Variants in LZIC observed in about 807,000 individuals in gnomAD.
The protein encoded by LZIC is leucine zipper and CTNNBIP1 domain containing.
In LZIC, 28 loss-of-function variants were observed where a neutral mutation model predicts 25.4. The ratio of observed to expected loss-of-function variants is 1.10; its 90% CI spans 0.82 to 1.51. LZIC has a LOEUF of 1.51. LZIC is among the 40% of genes most tolerant of loss of function. The probability of loss-of-function intolerance (pLI) is 0.00; values close to 1 mark genes in which losing one functional copy is unlikely to be tolerated. For synonymous variants in LZIC, 65 were observed against 70.7 expected, an observed-to-expected ratio of 0.92 and a Z score of 0.40; for missense variants, 170 against 211.1, an observed-to-expected ratio of 0.81 and a Z score of 1.21.
intron 6 of LZIC, chr1:9,932,261 C>T: frequency 4.2e-6 from 1 of 240,302 alleles, no homozygotes. Flanking sequence ...AGTAGAATTG[C>T]TTGAACCTGG....
Position 9,935,493 on chromosome 1 carries a change from A to AGC in LZIC, c.234_235dup (p.Leu79ArgfsTer33). 1 of 1,599,586 alleles carries AGC rather than the reference A, an allele frequency of 6.3e-7. No homozygotes were observed. Among genetic ancestry groups the AGC allele is most frequent in the Non-Finnish European group, 8.5e-7 (1 of 1,176,376 alleles). ...CTGTCGCCTATATGTTATACTTACC[A>AGC]GCTGCATTCCACTTAGTTCATCTAC... On this transcript the variant is annotated frameshift_variant and splice_region_variant, in exon 4 of 8. Transcript: ENST00000377223. LOFTEE classifies it high-confidence loss of function.
Position 9,929,965 on chromosome 1 carries a change from T to C in LZIC, c.*434A>G, listed in dbSNP as rs1344211489. On this transcript the variant is annotated 3_prime_UTR_variant, in exon 8 of 8. Transcript: ENST00000377223. ...TGATTTCTAAGATCACTCAGAATTG[T>C]AAAATTCTATGAACACTTATGAAGT... The C allele has an allele frequency of 1.0e-6, 1 of 979,088 alleles. No individual in the cohort carries two copies. The highest frequency in any genetic ancestry group is 1.8e-5 in the African/African-American group (1 of 57,084). 60.7% of individuals were successfully genotyped at this position (979,088 alleles called of 1,614,324 possible).
At chr1:9,941,181 G>A (rs68058227) in intron 2 of LZIC, among the ~76,000 whole-genome samples, 1 of 30,126 alleles carries the variant, frequency 3.3e-5, no homozygotes, top group Non-Finnish European at 3.2e-4. Context: ...TCTTTCTTTC[G>A]TTCGTTCGTT....
In LZIC at chr1:9,926,526, G is replaced by A. The variant is rs1475119656; in HGVS notation, c.*3873C>T. On this transcript the variant is annotated 3_prime_UTR_variant, in exon 8 of 8. Transcript: ENST00000377223. ...CTTCCTGGGAACAATTCCTCATTCT[G>A]TTACTTGATTTCTTCCTTTACCACC... Among the ~76,000 whole-genome samples the A allele has an allele frequency of 6.6e-6, 1 of 152,100 alleles. No individual in the cohort carries two copies. Among genetic ancestry groups the A allele is most frequent in the Non-Finnish European group, 1.5e-5 (1 of 68,022 alleles).
intron 3 of LZIC, among the ~76,000 whole-genome samples, chr1:9,936,292 A>G (rs1557441604): frequency 6.6e-6 from 1 of 152,188 alleles, no homozygotes; most frequent in Non-Finnish European, 1.5e-5. Context: ...CAAGGAAGGT[A>G]AGTATTTTGC....
chr1:9,941,688 C>G (rs903502536), intron 2 of LZIC, among the ~76,000 whole-genome samples: 1 of 150,622 alleles, frequency 6.6e-6, no homozygotes, highest in Non-Finnish European at 1.5e-5. Flanking sequence ...TTAGGAGAGA[C>G]GGGTTTCACC....
downstream of LZIC, chr1:9,922,171 C>T (rs1639882625): frequency 9.1e-6 from 4 of 440,970 alleles, no homozygotes; most frequent in Non-Finnish European, 1.2e-5. Flanking sequence ...CTCTGCATTT[C>T]CCAAAAGCGC....
At chr1:9,936,024 G>A (rs1316659435) in intron 3 of LZIC, among the ~76,000 whole-genome samples, 1 of 151,964 alleles carries the variant, frequency 6.6e-6, no homozygotes, top group Non-Finnish European at 1.5e-5. Context: ...AGCTACTCGG[G>A]AGGCTGAGGC....
chr1:9,938,669 A>G (rs1375657389), intron 2 of LZIC, among the ~76,000 whole-genome samples: 3 of 152,136 alleles, frequency 2.0e-5, no homozygotes, highest in Non-Finnish European at 4.4e-5. Context: ...AAGCCTTTGT[A>G]ATTGCAAATA....
chr1:9,942,688 T>C lies in LZIC; in HGVS notation c.-73A>G. ...GTCTCAAATTGCACAAACCTCCAGT[T>C]CTTGACGTTCCGAGTGTCATAAACT... is the stretch of plus-strand genomic sequence containing the variant. On this transcript the variant is annotated 5_prime_UTR_variant, in exon 2 of 8. Coordinates refer to ENST00000377223, the MANE Select transcript of LZIC (RefSeq NM_032368.5). The C allele has an allele frequency of 7.8e-7, 1 of 1,289,342 alleles. No individual in the cohort carries two copies. Among genetic ancestry groups the C allele is most frequent in the South Asian group, 1.2e-5 (1 of 81,030 alleles). The allele number at this position is 1,289,342 out of a possible 1,614,324, so 79.9% of individuals were successfully genotyped here. A position where few individuals can be genotyped will look rare whatever the true frequency, so the allele number is the denominator to read the frequency against.
downstream of LZIC, among the ~76,000 whole-genome samples, chr1:9,924,819 G>C (rs1441035940): frequency 2.0e-5 from 3 of 152,106 alleles, no homozygotes; most frequent in African/African-American, 7.2e-5. Context: ...CGTGTAATAT[G>C]ACAATTTAGT....
At position 9,927,038 on chromosome 1, in the gene LZIC, C is replaced by T. The variant is rs1370624316; in HGVS notation, c.*3361G>A. Among the ~76,000 whole-genome samples, 1 of 152,094 alleles carries T rather than the reference C, an allele frequency of 6.6e-6. No homozygotes were observed. The highest frequency in any genetic ancestry group is 2.4e-5 in the African/African-American group (1 of 41,422). ...TTAACAGAGGGGAATGCATAATAAT[C>T]CTATGAGGTAGGCCCTATTATCCTC... On this transcript the variant is annotated 3_prime_UTR_variant, in exon 8 of 8. Coordinates refer to ENST00000377223, the MANE Select transcript of LZIC (RefSeq NM_032368.5).
chr1:9,933,283 A>AATATATAT (rs772364108), intron 5 of LZIC, among the ~76,000 whole-genome samples: 24 of 58,378 alleles, frequency 4.1e-4, no homozygotes, highest in South Asian at 3.2e-3. Flanking sequence ...AAAAAAAAAA[A>AATATATAT]ATATATATAT....
At chr1:9,940,927 A>G (rs1433270158) in intron 2 of LZIC, among the ~76,000 whole-genome samples, 1 of 152,236 alleles carries the variant, frequency 6.6e-6, no homozygotes, top group Non-Finnish European at 1.5e-5. Context: ...AGTAAAAGTC[A>G]AGGCAAACCC....
In LZIC at chr1:9,929,153, A is replaced by C; in HGVS notation, c.*1246T>G. ...TAAATGTTCTGCCAACGAATGGTAC[A>C]CTTTAAAATGGTGAATTTTATGATA... On this transcript the variant is annotated 3_prime_UTR_variant, in exon 8 of 8. Transcript: ENST00000377223. 2 of 267,104 alleles carry C rather than the reference A, an allele frequency of 7.5e-6. No individual in the cohort carries two copies. The highest frequency in any genetic ancestry group is 1.2e-5 in the Non-Finnish European group (2 of 173,138). 16.5% of individuals were successfully genotyped at this position (267,104 alleles called of 1,614,324 possible).
At chr1:9,935,945 C>A (rs1219944138) in intron 3 of LZIC, among the ~76,000 whole-genome samples, 4 of 152,048 alleles carry the variant, frequency 2.6e-5, no homozygotes, top group Non-Finnish European at 4.4e-5. Flanking sequence ...GCCTAGCCAA[C>A]ATGGTAAAAC....
Position 9,929,859 on chromosome 1 carries a change from A to T in LZIC, c.*540T>A, listed in dbSNP as rs1640135045. ...CTGGGAGTCAGGACACCTGAGTCTT[A>T]CCCTCAGCTCTCTGATGCGACTTTA... On this transcript the variant is annotated 3_prime_UTR_variant, in exon 8 of 8. Transcript: ENST00000377223. 1 of 975,840 alleles carries T rather than the reference A, an allele frequency of 1.0e-6. No homozygotes were observed. The highest frequency in any genetic ancestry group is 4.7e-5 in the South Asian group (1 of 21,108). 60.4% of individuals were successfully genotyped at this position (975,840 alleles called of 1,614,324 possible). A position where few individuals can be genotyped will look rare whatever the true frequency, so the allele number is the denominator to read the frequency against.
At chr1:9,934,925 A>ATTTG in intron 4 of LZIC, 65 bp from the exon 5 acceptor site, 3 of 1,151,668 alleles carry the variant, frequency 2.6e-6, no homozygotes, top group Non-Finnish European at 3.9e-6. Flanking sequence ...GCAATAACTG[A>ATTTG]TTGACGGATC....
At position 9,927,550 on chromosome 1, in the gene LZIC, C is replaced by T. The variant is rs1483987428; in HGVS notation, c.*2849G>A. On this transcript the variant is annotated 3_prime_UTR_variant, in exon 8 of 8. Coordinates refer to ENST00000377223, the MANE Select transcript of LZIC (RefSeq NM_032368.5). ...TCCTGAGTTCAGGCGATCCGCCCACCTCTGCCTCCCAGAGTTCTGAGATTA... is the reference window on the plus strand; with the variant it reads ...TCCTGAGTTCAGGCGATCCGCCCACTTCTGCCTCCCAGAGTTCTGAGATTA... Among the ~76,000 whole-genome samples, 1 of 151,728 alleles carries T rather than the reference C, an allele frequency of 6.6e-6. No homozygotes were observed. Among genetic ancestry groups the T allele is most frequent in the Non-Finnish European group, 1.5e-5 (1 of 67,964 alleles).
Sources: gnomAD v4.1 joint callset for allele counts (sites outside exome capture counted in the v4.1 genomes callset) on GRCh38, gnomAD v4.1.1 for gene constraint, MANE v1.5 for transcripts, NCBI Gene and HGNC (gene_info 2026-07-23, HGNC 2026-07-21) for gene names.